Variants in DNAH14 observed in about 807,000 individuals in gnomAD.
The protein encoded by DNAH14 is axonemal beta dynein heavy chain 14.
In DNAH14, 478 loss-of-function variants were observed where a neutral mutation model predicts 520.9. The observed-to-expected ratio is 0.92, with a 90% CI of 0.85 to 0.99. The LOEUF is 0.99. Among genes scored for constraint, DNAH14 ranks in the 50% least tolerant of loss-of-function variants. DNAH14 has a pLI of 0.00. For synonymous variants in DNAH14, 1,581 were observed against 1,757.2 expected, an observed-to-expected ratio of 0.90 and a Z score of 2.51; for missense variants, 4,831 against 5,234.5, an observed-to-expected ratio of 0.92 and a Z score of 2.38.
At chr1:224,996,059 G>C (rs532006627) in intron 8 of DNAH14, among the ~76,000 whole-genome samples, 1 of 152,064 alleles carries the variant, frequency 6.6e-6, no homozygotes, top group African/African-American at 2.4e-5. Context: ...AAGTGATGGG[G>C]CTTTGTTAGT....
At chr1:225,133,728 T>A (rs1051468565) in intron 27 of DNAH14, among the ~76,000 whole-genome samples, 1 of 152,196 alleles carries the variant, frequency 6.6e-6, no homozygotes, top group African/African-American at 2.4e-5. Context: ...TGGTTCCATA[T>A]GAATTTTAAA....
At chr1:225,071,186 G>A (rs1289110830) in intron 17 of DNAH14, among the ~76,000 whole-genome samples, 1 of 152,100 alleles carries the variant, frequency 6.6e-6, no homozygotes, top group Non-Finnish European at 1.5e-5. Context: ...TTACATTTAA[G>A]GTTAGTATTG....
intron 10 of DNAH14, among the ~76,000 whole-genome samples, chr1:225,018,642 G>A (rs1482541809): frequency 2.0e-5 from 3 of 152,020 alleles, no homozygotes; most frequent in Non-Finnish European, 2.9e-5. Context: ...AATCTTAAAG[G>A]GAGTTAGAGA....
In DNAH14 at chr1:225,059,624, A is replaced by G. The variant is rs932109687; in HGVS notation, c.2424+7829A>G. On this transcript the variant is annotated intron_variant, in intron 17 of 85. Coordinates refer to ENST00000682510, the MANE Select transcript of DNAH14 (RefSeq NM_001367479.1). ...TTGATGCAGTTTCTTCCTAGCCTCG[A>G]TGGTCTTTACAATTTGGCATGTTTT... Among the ~76,000 whole-genome samples the G allele has an allele frequency of 2.9e-4, 44 of 152,276 alleles. 1 individual carries two copies. The highest frequency in any genetic ancestry group is 6.2e-4 in the South Asian group (3 of 4,824).
At chr1:225,273,205 G>T in intron 52 of DNAH14, 80 bp downstream of exon 52, 1 of 1,395,738 alleles carries the variant, frequency 7.2e-7, no homozygotes. Flanking sequence ...GGCCGAAGCG[G>T]GCAGATCACG....
chr1:225,086,290 G>T (rs914650580), intron 21 of DNAH14, among the ~76,000 whole-genome samples: 1 of 113,514 alleles, frequency 8.8e-6, no homozygotes, highest in South Asian at 3.5e-4. Flanking sequence ...CCGCCACGAC[G>T]CCCGGCTAAT....
chr1:225,019,247 CAA>C (rs71170044), intron 10 of DNAH14, among the ~76,000 whole-genome samples: 3 of 151,264 alleles, frequency 2.0e-5, no homozygotes, highest in Non-Finnish European at 3.0e-5. Context: ...AAATGGAAAA[CAA>C]AAAAAAAAGA....
intron 39 of DNAH14, 29 bp downstream of exon 39, chr1:225,204,302 A>C: frequency 7.8e-7 from 1 of 1,281,338 alleles, no homozygotes; most frequent in Non-Finnish European, 1.1e-6. Context: ...AAGAAAGATT[A>C]TTAATATAGA....
In DNAH14 at chr1:225,389,845, C is replaced by G. The variant is rs1411777372; in HGVS notation, c.13302C>G (p.Tyr4434Ter). Residue 4434 changes from tyrosine to a stop codon, truncating the protein, a stop_gained, in exon 83 of 86, where the codon TAC (tyrosine) becomes TAG (stop). Transcript: ENST00000682510. LOFTEE classifies it high-confidence loss of function. ...TCTTTGAAGGGTTTCCTTCAAGATA[C>G]TGGCTCCCAGCTTTCTTCTTTCCAC... ...NNFFEGFPSR[Y>*]WLPAFFFPQA... The G allele has an allele frequency of 1.3e-6, 2 of 1,551,740 alleles. No individual in the cohort carries two copies. Among genetic ancestry groups the G allele is most frequent in the South Asian group, 2.4e-5 (2 of 84,058 alleles).
At chr1:225,250,009 G>T (rs2092471586) in intron 43 of DNAH14, among the ~76,000 whole-genome samples, 1 of 152,022 alleles carries the variant, frequency 6.6e-6, no homozygotes, top group Non-Finnish European at 1.5e-5. Flanking sequence ...TTAAAGTTTG[G>T]GACTATTATG....
chr1:225,203,186 C>T (rs936275193), intron 38 of DNAH14, among the ~76,000 whole-genome samples: 1 of 152,194 alleles, frequency 6.6e-6, no homozygotes, highest in African/African-American at 2.4e-5. Context: ...CTTCTCTGTC[C>T]ATCCAAGTAG....
intron 11 of DNAH14, among the ~76,000 whole-genome samples, chr1:225,037,615 C>A (rs2067089234): frequency 6.6e-6 from 1 of 152,038 alleles, no homozygotes; most frequent in Admixed American, 6.5e-5. Context: ...TCTTTTTGAT[C>A]AGTTCTTCAT....
chr1:224,964,420 A>G, intron 4 of DNAH14, 59 bp from the exon 5 acceptor site: 2 of 1,543,676 alleles, frequency 1.3e-6, no homozygotes, highest in Non-Finnish European at 8.7e-7. Flanking sequence ...ATTATGCATT[A>G]TCCTTAAGTG....
chr1:225,226,402 C>T (rs937872369), intron 41 of DNAH14, among the ~76,000 whole-genome samples: 1 of 152,206 alleles, frequency 6.6e-6, no homozygotes, highest in Non-Finnish European at 1.5e-5. Context: ...AAGGAAATGC[C>T]TTAACATTCT....
intron 61 of DNAH14, among the ~76,000 whole-genome samples, chr1:225,319,737 G>T (rs373208659): frequency 8.5e-5 from 13 of 152,294 alleles, no homozygotes; most frequent in African/African-American, 2.4e-4. Flanking sequence ...GGGCACTGAG[G>T]TTGTAGCAGT....
intron 38 of DNAH14, among the ~76,000 whole-genome samples, chr1:225,194,631 G>T (rs771910875): frequency 1.3e-5 from 2 of 152,038 alleles, no homozygotes; most frequent in African/African-American, 4.8e-5. Context: ...TCATGATGAA[G>T]ACACCAAAAG....
rs557863799 is a variant in DNAH14 at position 225,112,974 on chromosome 1, G to C, written c.3868-4710G>C. On this transcript the variant is annotated intron_variant, in intron 23 of 85. Transcript: ENST00000682510. ...AAGTCACATATCTCTGTCACTTTGG[G>C]GTTGGTCCCTGGAGGCTTATTTAAT... Among the ~76,000 whole-genome samples, 3 of 152,020 alleles carry C rather than the reference G, an allele frequency of 2.0e-5. No homozygotes were observed. In the South Asian group the frequency reaches 6.2e-4, roughly 32 times the overall value.
chr1:224,984,692 G>T (rs1366561691), intron 8 of DNAH14, among the ~76,000 whole-genome samples: 2 of 151,730 alleles, frequency 1.3e-5, no homozygotes, highest in Non-Finnish European at 2.9e-5. Context: ...AAACAAATCA[G>T]TAAGAAAAAA....
At chr1:225,119,377 C>A in intron 26 of DNAH14, 83 bp downstream of exon 26, 2 of 919,174 alleles carry the variant, frequency 2.2e-6, no homozygotes, top group South Asian at 2.8e-5. Flanking sequence ...TTTTTTAAAA[C>A]TCACTTATCT....
Sources: allele counts gnomAD v4.1 joint callset (sites outside exome capture counted in the v4.1 genomes callset), GRCh38; gene constraint gnomAD v4.1.1; transcripts MANE v1.5; gene names NCBI Gene and HGNC (gene_info 2026-07-23, HGNC 2026-07-21).